The following BLTP1 variants were observed in gnomAD, a reference collection of about 807,000 sequenced individuals.
BLTP1 encodes the protein bridge-like lipid transfer protein family member 1, also known as fragile site-associated protein.
At chr4:122,246,937 A>C in the BLTP1 span, 1 of 1,431,546 alleles carries the variant, frequency 7.0e-7, no homozygotes. Flanking sequence ...TGGTTTTGGA[A>C]TTTCAAATCT....
At chr4:122,183,061 T>C in the BLTP1 span, 1 of 979,778 alleles carries the variant, frequency 1.0e-6, no homozygotes, top group Non-Finnish European at 1.2e-6. Flanking sequence ...CTGGGTTGGT[T>C]GCAGTAGCTC....
the BLTP1 span, chr4:122,251,575 TGGACAAAAG>T: frequency 2.0e-6 from 2 of 984,992 alleles, no homozygotes; most frequent in Non-Finnish European, 2.4e-6. Flanking sequence ...AGCTACTCAC[TGGACAAAAG>T]AGCTGAGAAA....
chr4:122,350,428 T>C, the BLTP1 span: 1 of 979,588 alleles, frequency 1.0e-6, no homozygotes, highest in East Asian at 1.1e-4. Flanking sequence ...TTATTTTCAC[T>C]TAGCAATTCA....
the BLTP1 span, chr4:122,336,137 T>C: frequency 1.4e-6 from 2 of 1,413,278 alleles, no homozygotes; most frequent in African/African-American, 1.5e-5. Context: ...TTCAAATTTC[T>C]GTTTAATTGG....
chr4:122,264,438 C>G, the BLTP1 span: 2 of 1,585,968 alleles, frequency 1.3e-6, no homozygotes, highest in Non-Finnish European at 1.7e-6. Context: ...GTGAGCCAGC[C>G]TGCTTTTTCC....
At chr4:122,277,139 C>A in the BLTP1 span, 23 of 880,822 alleles carry the variant, frequency 2.6e-5, no homozygotes, top group Non-Finnish European at 2.9e-5. Flanking sequence ...GAGTTTGAGA[C>A]CAGCCTGAGA....
chr4:122,287,651 C>T, the BLTP1 span: 1 of 984,600 alleles, frequency 1.0e-6, no homozygotes, highest in Non-Finnish European at 1.2e-6. Flanking sequence ...TATAAGAATG[C>T]TCTTTGGGTT....
the BLTP1 span, among the ~76,000 whole-genome samples, chr4:122,342,672 G>A: frequency 6.6e-5 from 10 of 152,054 alleles, no homozygotes; most frequent in Admixed American, 5.2e-4. Flanking sequence ...CTGTTTTCAT[G>A]GAAGTATTCA....
At chr4:122,175,832 G>T in the BLTP1 span, 4 of 1,535,642 alleles carry the variant, frequency 2.6e-6, no homozygotes, top group East Asian at 2.3e-5. Flanking sequence ...TTCTAATTTT[G>T]TAATTTCCCT....
the BLTP1 span, chr4:122,263,511 A>G: frequency 2.5e-6 from 4 of 1,613,136 alleles, no homozygotes; most frequent in East Asian, 2.2e-5. Context: ...GTGAGTTTCT[A>G]TAATTGGATG....
chr4:122,257,479 A>G, the BLTP1 span: 1 of 1,614,098 alleles, frequency 6.2e-7, no homozygotes, highest in Non-Finnish European at 8.5e-7. Context: ...ATGGAGCAGA[A>G]TTTGAGTTCG....
chr4:122,355,586 T>C, the BLTP1 span, among the ~76,000 whole-genome samples: 2 of 148,604 alleles, frequency 1.3e-5, no homozygotes, highest in Non-Finnish European at 3.0e-5. Flanking sequence ...TATAAATATA[T>C]GTATATATAC....
At chr4:122,224,957 A>G in the BLTP1 span, 4 of 1,208,040 alleles carry the variant, frequency 3.3e-6, no homozygotes, top group Non-Finnish European at 4.2e-6. Flanking sequence ...CAGGATGAGT[A>G]CTTTTCTAGA....
the BLTP1 span, chr4:122,292,359 A>C: frequency 1.1e-6 from 1 of 872,390 alleles, no homozygotes; most frequent in Non-Finnish European, 1.4e-6. Flanking sequence ...TATAAGAAAA[A>C]TTAGACAGAT....
the BLTP1 span, chr4:122,181,297 C>A: frequency 2.2e-6 from 2 of 914,742 alleles, no homozygotes; most frequent in Non-Finnish European, 2.6e-6. Context: ...GCTCCTGGCG[C>A]AGAATTTGGG....
At chr4:122,349,211 G>A in the BLTP1 span, 4 of 1,613,218 alleles carry the variant, frequency 2.5e-6, no homozygotes, top group Non-Finnish European at 3.4e-6. The surrounding 1 kb of genome is among the most constrained non-coding windows in gnomAD (Gnocchi z 4.5). Flanking sequence ...GGAAGTAATC[G>A]TGATCGAGAG....
At chr4:122,177,462 C>G in the BLTP1 span, among the ~76,000 whole-genome samples, 1 of 152,194 alleles carries the variant, frequency 6.6e-6, no homozygotes, top group Admixed American at 6.5e-5. Context: ...TTTTATTCCT[C>G]TCTCTTCCCA....
chr4:122,171,707 A>C, the BLTP1 span: 1 of 406,370 alleles, frequency 2.5e-6, no homozygotes, highest in Non-Finnish European at 3.3e-6. Flanking sequence ...GGATGTGGGT[A>C]GGAATATAAG....
At chr4:122,239,096 C>G in the BLTP1 span, among the ~76,000 whole-genome samples, 1 of 152,152 alleles carries the variant, frequency 6.6e-6, no homozygotes, top group East Asian at 1.9e-4. Context: ...GTAAATGGCA[C>G]TACTACATCA....
Sources: gnomAD v4.1 joint callset for allele counts (sites outside exome capture counted in the v4.1 genomes callset) on GRCh38, gnomAD v4.1.1 for gene constraint, Gnocchi (gnomAD v3.1) non-coding constraint, MANE v1.5 for transcripts, NCBI Gene and HGNC (gene_info 2026-07-23, HGNC 2026-07-21) for gene names.